WDR75: variants seen among roughly 807,000 people sequenced by gnomAD.
WDR75 encodes the protein WD repeat-containing protein 75.
In WDR75, 52 loss-of-function variants were observed where a neutral mutation model predicts 106.1. That is an observed-to-expected ratio of 0.49 (90% CI 0.39 to 0.62). The LOEUF (loss-of-function observed/expected upper bound fraction) is 0.62, where lower values mean the gene tolerates loss of function less well. WDR75 is among the 20% of genes least tolerant of loss of function. The pLI is 0.00. For missense variants in WDR75, 905 were observed against 970.3 expected (o/e 0.93, Z 0.89); for synonymous variants, 333 against 335.5 (o/e 0.99, Z 0.08).
Position 189,468,493 on chromosome 2 carries a change from A to G in WDR75, c.1647A>G (p.Arg549=), listed in dbSNP as rs761501206. Residue 549 remains arginine (R), a synonymous_variant, in exon 15 of 21, where the codon AGA becomes AGG. Coordinates refer to ENST00000314761, the MANE Select transcript of WDR75 (RefSeq NM_032168.3). ...AGKIRHLCFG[R]LTCSKYLLGA... Reference sequence around the variant, plus strand: ...AATCTAGGCACCTTTGCTTTGGGAGATTGACGTGTTCAAAGTATCTACTTG... The same window carrying G: ...AATCTAGGCACCTTTGCTTTGGGAGGTTGACGTGTTCAAAGTATCTACTTG... The G allele has an allele frequency of 6.2e-7, 1 of 1,613,310 alleles. No individual in the cohort carries two copies. The highest frequency in any genetic ancestry group is 8.5e-7 in the Non-Finnish European group (1 of 1,179,454).
Position 189,463,718 on chromosome 2 carries a change from T to C in WDR75, c.962T>C (p.Leu321Pro), listed in dbSNP as rs1001872263. The C allele has an allele frequency of 8.7e-6, 14 of 1,613,726 alleles. No homozygotes were observed. Among genetic ancestry groups the C allele is most frequent in the African/African-American group, 2.7e-5 (2 of 74,912 alleles). Residue 321 changes from leucine to proline, a missense_variant, in exon 10 of 21, where the codon CTT (leucine) becomes CCT (proline). Physicochemically the swap from Leu to Pro is moderately conservative, Grantham distance 98. Transcript: ENST00000314761. Reference protein sequence around the residue: ...DNKIIIIHRNLEASAVIQGLV... With the variant: ...DNKIIIIHRNPEASAVIQGLV... ...GAGATAATAATTATTCACCGAAACC[T>C]TGAAGCATCCGCAGTAATTCAAGGC...
chr2:189,447,985 T>G (rs1686536894), intron 1 of WDR75, among the ~76,000 whole-genome samples: 1 of 152,192 alleles, frequency 6.6e-6, no homozygotes, highest in Non-Finnish European at 1.5e-5. Flanking sequence ...TATACTGTTC[T>G]TGTGGTAGTG....
At chr2:189,464,176 G>A (rs149726357) in intron 11 of WDR75, 1 of 531,742 alleles carries the variant, frequency 1.9e-6, no homozygotes, top group South Asian at 2.6e-5. Flanking sequence ...ACTCCTGTAC[G>A]TGCTGTCTCT....
intron 1 of WDR75, among the ~76,000 whole-genome samples, chr2:189,441,903 C>T (rs1006789862): frequency 1.3e-4 from 20 of 152,182 alleles, no homozygotes; most frequent in African/African-American, 4.6e-4. Context: ...CTTTGCAGTA[C>T]CTACTCTTTC....
chr2:189,445,986 G>A (rs992201533), intron 1 of WDR75, among the ~76,000 whole-genome samples: 1 of 152,006 alleles, frequency 6.6e-6, no homozygotes, highest in African/African-American at 2.4e-5. Flanking sequence ...TTTTTTCTGA[G>A]GAAGCTTATC....
At chr2:189,442,700 T>G (rs570398291) in intron 1 of WDR75, among the ~76,000 whole-genome samples, 1 of 152,278 alleles carries the variant, frequency 6.6e-6, no homozygotes, top group East Asian at 1.9e-4. Context: ...TCTGCCCACC[T>G]GAACCTCCCA....
intron 2 of WDR75, chr2:189,448,984 A>G (rs1464010255): frequency 2.4e-6 from 1 of 413,194 alleles, no homozygotes; most frequent in African/African-American, 2.1e-5. Flanking sequence ...GATATTGCCT[A>G]GTCTTAAGAC....
chr2:189,462,814 C>T (rs1686924798), intron 9 of WDR75, among the ~76,000 whole-genome samples, 172 bp downstream of exon 9: 1 of 152,108 alleles, frequency 6.6e-6, no homozygotes, highest in African/African-American at 2.4e-5. Context: ...CCCCTAGGCA[C>T]CACCAGAATT....
chr2:189,459,556 C>G, intron 8 of WDR75, 132 bp downstream of exon 8: 1 of 847,814 alleles, frequency 1.2e-6, no homozygotes, highest in Non-Finnish European at 1.9e-6. Flanking sequence ...TGTGTTACCC[C>G]TGTATTTTGG....
In WDR75 at chr2:189,474,221, T is replaced by G. The variant is rs761699030; in HGVS notation, c.2085T>G (p.Phe695Leu). 2 of 1,613,474 alleles carry G rather than the reference T, an allele frequency of 1.2e-6. No homozygotes were observed. Among genetic ancestry groups the G allele is most frequent in the African/African-American group, 2.7e-5 (2 of 74,928 alleles). ...LAEESLPTTP[F>L]YFILGKHRQQ... ...AAGAAAGTCTTCCCACAACCCCATT[T>G]TATTTCATATTGGGAAAACACAGGC... Residue 695 changes from phenylalanine (F) to leucine (L), a missense_variant, in exon 19 of 21, where the codon TTT (phenylalanine) becomes TTG (leucine). Transcript: ENST00000314761.
At chr2:189,458,442 C>T (rs1686786810) in intron 6 of WDR75, among the ~76,000 whole-genome samples, 1 of 151,102 alleles carries the variant, frequency 6.6e-6, no homozygotes, top group Non-Finnish European at 1.5e-5. Flanking sequence ...GAAATTTGAA[C>T]AAGCTTTGAC....
At chr2:189,468,694 T>C (rs1687055200) in intron 15 of WDR75, 125 bp downstream of exon 15, 2 of 850,492 alleles carry the variant, frequency 2.4e-6, no homozygotes, top group Non-Finnish European at 1.8e-6. Flanking sequence ...GTTTTTTACG[T>C]GACATATGAT....
chr2:189,470,494 A>C (rs1272573246), intron 17 of WDR75, among the ~76,000 whole-genome samples: 3 of 152,050 alleles, frequency 2.0e-5, no homozygotes, highest in Non-Finnish European at 4.4e-5. Flanking sequence ...GCAGAAGACA[A>C]CTAAAATACT....
intron 9 of WDR75, among the ~76,000 whole-genome samples, chr2:189,463,298 G>T (rs1260609117): frequency 6.6e-6 from 1 of 152,046 alleles, no homozygotes; most frequent in Non-Finnish European, 1.5e-5. Context: ...CAACAGAAAA[G>T]CCCCTATCCC....
At chr2:189,444,990 T>C (rs572597277) in intron 1 of WDR75, among the ~76,000 whole-genome samples, 1 of 152,328 alleles carries the variant, frequency 6.6e-6, no homozygotes, top group South Asian at 2.1e-4. Flanking sequence ...ACTTCTTCAC[T>C]TTCTCAACAA....
rs780522749 is a variant in WDR75, at chr2:189,470,260, C to CA, written c.1989+21dup. The stretch of plus-strand genomic sequence containing the variant: ...CAAAATCACAGGTAACTGCCTCCCT[C>CA]AAAAAAGGCGATCACTTTGTACATG... On this transcript the variant is annotated intron_variant, in intron 17 of 20. Transcript: ENST00000314761. The CA allele has an allele frequency of 6.2e-7, 1 of 1,604,296 alleles. No individual in the cohort carries two copies. The highest frequency in any genetic ancestry group is 8.5e-7 in the Non-Finnish European group (1 of 1,175,680).
At chr2:189,453,028 A>T (rs2105556517) in intron 4 of WDR75, among the ~76,000 whole-genome samples, 1 of 152,206 alleles carries the variant, frequency 6.6e-6, no homozygotes, top group South Asian at 2.1e-4. Context: ...AGTAAGTTAG[A>T]TGTGGTGGCT....
At chr2:189,475,105 ATTC>A in intron 20 of WDR75, 105 bp from the exon 21 acceptor site, 1 of 908,912 alleles carries the variant, frequency 1.1e-6, no homozygotes, top group Non-Finnish European at 1.6e-6. Context: ...TAGTAACAAA[ATTC>A]TTCATTTACT....
In WDR75 at chr2:189,462,611, A is replaced by G. The variant is rs568931467; in HGVS notation, c.906A>G (p.Gly302=). ...AACATATCTCAGTCTCGCCTGCAGGAGATTTATTCTGCACTTCTCACTCTG... is the reference window on the plus strand; with the variant it reads ...AACATATCTCAGTCTCGCCTGCAGGGGATTTATTCTGCACTTCTCACTCTG... The part of the protein sequence containing the change: ...TIEHISVSPA[G]DLFCTSHSDN... Residue 302 remains glycine (G), a synonymous_variant, in exon 9 of 21, where the codon GGA becomes GGG. Transcript: ENST00000314761. 23 of 1,613,976 alleles carry G rather than the reference A, an allele frequency of 1.4e-5. No individual in the cohort carries two copies. In the African/African-American group the frequency reaches 2.5e-4, roughly 18 times the overall value.
Sources: gnomAD v4.1 joint callset for allele counts (sites outside exome capture counted in the v4.1 genomes callset) on GRCh38, gnomAD v4.1.1 for gene constraint, MANE v1.5 for transcripts, NCBI Gene and HGNC (gene_info 2026-07-23, HGNC 2026-07-21) for gene names.